Variants in MYB observed in about 807,000 individuals in gnomAD.
MYB encodes the protein MYB proto-oncogene, transcription factor, also known as transcriptional activator Myb.
A neutral mutation model predicts 92.9 loss-of-function variants in MYB; 28 were observed. The ratio of observed to expected loss-of-function variants is 0.30; its 90% confidence interval spans 0.22 to 0.41. The LOEUF is 0.41. MYB is among the 10% of genes least tolerant of loss of function. The pLI, the probability that MYB is intolerant of heterozygous loss-of-function variation, is 1.00. For synonymous variants in MYB, 295 were observed against 329.1 expected (o/e 0.90, Z 1.12); for missense variants, 679 against 929.3 (o/e 0.73, Z 3.50).
At chr6:135,188,834 C>T (rs1776286086) in intron 3 of MYB, among the ~76,000 whole-genome samples, 1 of 152,102 alleles carries the variant, frequency 6.6e-6, no homozygotes, top group Non-Finnish European at 1.5e-5. Context: ...CCATTCATCC[C>T]AAACACCATT....
Position 135,184,108 on chromosome 6 carries a change from T to G in MYB, c.24-1795T>G, listed in dbSNP as rs140823183. Among the ~76,000 whole-genome samples the G allele has an allele frequency of 4.3e-4, 65 of 152,300 alleles. 2 individuals carry two copies. In the East Asian group the frequency reaches 0.012, roughly 29 times the overall value. On this transcript the variant is annotated intron_variant, in intron 1 of 15. Transcript: ENST00000341911. ...TGCGGAGAGAGAGGTGCTCAATGACTACTCTGAAAAATGTGCTCAGTTCTG... is the reference window on the plus strand; with the variant it reads ...TGCGGAGAGAGAGGTGCTCAATGACGACTCTGAAAAATGTGCTCAGTTCTG...
chr6:135,211,646 A>G (rs568457967), intron 15 of MYB, among the ~76,000 whole-genome samples: 37 of 152,284 alleles, frequency 2.4e-4, no homozygotes, highest in Non-Finnish European at 4.9e-4. Flanking sequence ...TATATGATAT[A>G]AACTTAGAAA....
In MYB at chr6:135,193,923, G is replaced by C; in HGVS notation, c.843+5G>C. ...CCAGCTGCCGCAGCCATTCAGGTAA[G>C]ATCATTGATCATTCACTGTTCAAAG... On this transcript the variant is annotated splice_donor_5th_base_variant and intron_variant, in intron 7 of 15. Transcript: ENST00000341911. 1 of 1,584,508 alleles carries C rather than the reference G, an allele frequency of 6.3e-7. No individual in the cohort carries two copies. Among genetic ancestry groups the C allele is most frequent in the Non-Finnish European group, 8.7e-7 (1 of 1,153,296 alleles).
Position 135,190,349 on chromosome 6 carries a change from T to C in MYB, c.527+2T>C. Reference sequence around the variant, plus strand: ...AATCGCAAAGCTACTGCCTGGACGGTAATAATATGTCAAAAAATATATTGA... The same window carrying C: ...AATCGCAAAGCTACTGCCTGGACGGCAATAATATGTCAAAAAATATATTGA... On this transcript the variant is annotated splice_donor_variant, in intron 5 of 15. Coordinates refer to ENST00000341911, the MANE Select transcript of MYB (RefSeq NM_001130173.2). LOFTEE classifies it high-confidence loss of function. This position sits in a 1 kb window ranked among gnomAD's most constrained non-coding sequence, Gnocchi z 4.5. The C allele has an allele frequency of 6.2e-7, 1 of 1,610,804 alleles. No homozygotes were observed. The highest frequency in any genetic ancestry group is 8.5e-7 in the Non-Finnish European group (1 of 1,177,328).
intron 5 of MYB, 132 bp from the exon 6 acceptor site, chr6:135,192,192 A>T: frequency 1.4e-6 from 1 of 698,734 alleles, no homozygotes; most frequent in Non-Finnish European, 2.4e-6. Flanking sequence ...GAGAAGAAGG[A>T]AACAATTAAA....
Position 135,196,948 on chromosome 6 carries a change from C to T in MYB, c.1204-13C>T, listed in dbSNP as rs764809156. On this transcript the variant is annotated splice_polypyrimidine_tract_variant and intron_variant, in intron 9 of 15. Coordinates refer to ENST00000341911, the MANE Select transcript of MYB (RefSeq NM_001130173.2). ...CACTATCTCAAAGTTCTGTGCCTCC[C>T]ACATTGTTTCAGGATTCTTCATCAT... 4 of 1,606,900 alleles carry T rather than the reference C, an allele frequency of 2.5e-6. No homozygotes were observed. Among genetic ancestry groups the T allele is most frequent in the African/African-American group, 1.3e-5 (1 of 74,788 alleles).
chr6:135,218,019 C>A lies in MYB; in HGVS notation c.*39C>A. 6.9e-7 allele frequency: 1 copy of A among 1,455,872 alleles called. No individual in the cohort carries two copies. The highest frequency in any genetic ancestry group is 9.6e-7 in the Non-Finnish European group (1 of 1,036,304). 90.2% of individuals were successfully genotyped at this position (1,455,872 alleles called of 1,614,324 possible). ...AAGCATTATGGTTTTCAGAACACTT[C>A]AAGTTGACTTGGGATATATCATTCC... On this transcript the variant is annotated 3_prime_UTR_variant, in exon 16 of 16. Coordinates refer to ENST00000341911, the MANE Select transcript of MYB (RefSeq NM_001130173.2).
chr6:135,203,132 T>C, intron 14 of MYB, 85 bp from the exon 15 acceptor site: 1 of 962,404 alleles, frequency 1.0e-6, no homozygotes, highest in Non-Finnish European at 1.6e-6. Flanking sequence ...CATCTCATAG[T>C]AATCTACTCT....
At chr6:135,215,628 C>G (rs1391558516) in intron 15 of MYB, among the ~76,000 whole-genome samples, 1 of 152,094 alleles carries the variant, frequency 6.6e-6, no homozygotes, top group Non-Finnish European at 1.5e-5. Flanking sequence ...TTTATGTTGT[C>G]GTTTAACCCT....
intron 15 of MYB, among the ~76,000 whole-genome samples, chr6:135,214,164 C>A (rs199515330): frequency 6.6e-6 from 1 of 151,946 alleles, no homozygotes; most frequent in Non-Finnish European, 1.5e-5. Flanking sequence ...CTCCTGTAGT[C>A]CCAGCTACTC....
chr6:135,189,532 A>C (rs2128289128), intron 3 of MYB, among the ~76,000 whole-genome samples: 1 of 152,338 alleles, frequency 6.6e-6, no homozygotes, highest in African/African-American at 2.4e-5. Context: ...GCACATGTGT[A>C]GTATGATGGT....
chr6:135,193,534 A>G (rs1776896349), intron 6 of MYB, among the ~76,000 whole-genome samples: 1 of 152,102 alleles, frequency 6.6e-6, no homozygotes, highest in Non-Finnish European at 1.5e-5. Flanking sequence ...TCATTAATGT[A>G]TTTTATAATA....
At chr6:135,206,222 A>ATAAT (rs1455172188) in intron 15 of MYB, among the ~76,000 whole-genome samples, 16 of 126,938 alleles carry the variant, frequency 1.3e-4, no homozygotes, top group South Asian at 2.6e-4. Flanking sequence ...AAAAAAAAAA[A>ATAAT]AAAAATAATA....
intron 15 of MYB, among the ~76,000 whole-genome samples, chr6:135,216,192 G>T (rs1040515329): frequency 1.1e-4 from 16 of 152,150 alleles, no homozygotes; most frequent in Non-Finnish European, 2.2e-4. Context: ...TCATGTTACA[G>T]TTGTTCCTTA....
intron 15 of MYB, among the ~76,000 whole-genome samples, chr6:135,217,354 A>G (rs1780593350): frequency 6.7e-6 from 1 of 149,078 alleles, no homozygotes; most frequent in Non-Finnish European, 1.5e-5. Context: ...GGTATGACAG[A>G]GCATGACTCT....
At chr6:135,194,802 A>G in intron 8 of MYB, 1 of 772,598 alleles carries the variant, frequency 1.3e-6, no homozygotes, top group Non-Finnish European at 1.9e-6. Context: ...ATATGGTACC[A>G]TTTTGGTTTT....
Position 135,201,758 on chromosome 6 carries a change from G to A in MYB, c.2061+9G>A, listed in dbSNP as rs746779998. On this transcript the variant is annotated intron_variant, in intron 14 of 15. Coordinates refer to ENST00000341911, the MANE Select transcript of MYB (RefSeq NM_001130173.2). The stretch of plus-strand genomic sequence containing the variant: ...CTGTGGCAGATGCACCGGTAAGTAC[G>A]TGTGCACCAGCCCCCAAGTTGTTAT... 1.1e-5 allele frequency: 15 copies of A among 1,411,690 alleles called. No individual in the cohort carries two copies. Among genetic ancestry groups the A allele is most frequent in the Middle Eastern group, 3.8e-4 (2 of 5,288 alleles). 87.4% of individuals were successfully genotyped at this position (1,411,690 alleles called of 1,614,324 possible).
chr6:135,212,881 A>G (rs1345613642), intron 15 of MYB, among the ~76,000 whole-genome samples: 1 of 152,252 alleles, frequency 6.6e-6, no homozygotes, highest in Non-Finnish European at 1.5e-5. Flanking sequence ...CTTTGTCAAA[A>G]TAATTCTTTC....
In MYB at chr6:135,218,046, C is replaced by T. The variant is rs909854589; in HGVS notation, c.*66C>T. 4.0e-6 allele frequency: 5 copies of T among 1,259,276 alleles called. No homozygotes were observed. The highest frequency in any genetic ancestry group is 4.6e-6 in the Non-Finnish European group (4 of 860,284). 78.0% of individuals were successfully genotyped at this position (1,259,276 alleles called of 1,614,324 possible). On this transcript the variant is annotated 3_prime_UTR_variant, in exon 16 of 16. Coordinates refer to ENST00000341911, the MANE Select transcript of MYB (RefSeq NM_001130173.2). ...AGTTGACTTGGGATATATCATTCCT[C>T]AACATGAAACTTTTCATGAATGGGA...
Sources: allele counts gnomAD v4.1 joint callset (sites outside exome capture counted in the v4.1 genomes callset), GRCh38; gene constraint gnomAD v4.1.1; non-coding constraint Gnocchi (gnomAD v3.1); transcripts MANE v1.5; gene names NCBI Gene and HGNC (gene_info 2026-07-23, HGNC 2026-07-21).